CCDC141: variants seen among roughly 807,000 people sequenced by gnomAD.
CCDC141 encodes the protein coiled-coil domain containing 141.
Under a neutral mutation model 181.0 loss-of-function variants are expected in CCDC141, and 168 were observed. That is an observed-to-expected ratio of 0.93 (90% CI 0.82 to 1.05). The LOEUF (loss-of-function observed/expected upper bound fraction) is 1.05, where lower values mean the gene tolerates loss of function less well. Ranked by LOEUF, CCDC141 falls within the 50% of genes least tolerant of loss-of-function variation. CCDC141 has a pLI of 0.00. For synonymous variants in CCDC141, 666 were observed against 642.3 expected (o/e 1.04, Z -0.56); for missense variants, 1,902 against 1,788.5 (o/e 1.06, Z -1.14).
intron 8 of CCDC141, among the ~76,000 whole-genome samples, chr2:178,901,794 T>C (rs1458691643): frequency 1.3e-5 from 2 of 152,070 alleles, no homozygotes; most frequent in East Asian, 3.9e-4. Flanking sequence ...GGGTATTCAA[T>C]TAGGAAAAGA....
At chr2:178,884,239 G>GAAA (rs59431193) in intron 11 of CCDC141, among the ~76,000 whole-genome samples, 21 of 113,612 alleles carry the variant, frequency 1.8e-4, no homozygotes, top group East Asian at 1.1e-3. Flanking sequence ...ATAATGTGAA[G>GAAA]AAAAAAAAAA....
chr2:178,933,327 T>C (rs1356980304), intron 6 of CCDC141, among the ~76,000 whole-genome samples: 1 of 152,174 alleles, frequency 6.6e-6, no homozygotes, highest in East Asian at 1.9e-4. Context: ...GACATGTACA[T>C]ACATGAAACA....
the CCDC141 span, among the ~76,000 whole-genome samples, chr2:178,821,232 A>G: frequency 2.0e-5 from 3 of 152,154 alleles, no homozygotes; most frequent in African/African-American, 7.2e-5. Flanking sequence ...AGTGAACCAT[A>G]TTTGAAGTCC....
Position 178,961,433 on chromosome 2 carries a change from C to A in CCDC141, c.577G>T (p.Asp193Tyr). The stretch of plus-strand genomic sequence containing the variant: ...TCACACTTGAATTTTTCTATGAAGT[C>A]AGTGAGTTGTTGACTTTTGTTTAAA... ...ALLNKSQQLT[D>Y]FIEKFKCEGP... Residue 193 changes from aspartate (D) to tyrosine (Y), a missense_variant, in exon 5 of 24, where the codon GAC (aspartate) becomes TAC (tyrosine). Transcript: ENST00000443758. The A allele has an allele frequency of 6.5e-7, 1 of 1,550,354 alleles. No individual in the cohort carries two copies. The highest frequency in any genetic ancestry group is 1.2e-5 in the South Asian group (1 of 84,024).
chr2:178,888,526 C>A lies in CCDC141; in HGVS notation c.1407+1G>T. On this transcript the variant is annotated splice_donor_variant, in intron 9 of 23. Transcript: ENST00000443758. LOFTEE classifies it high-confidence loss of function. ...ATTTAAGTTTTAGTTTACGAAACTA[C>A]CTTCCGTAGGTAACCCTCCACTGAG... 1 of 1,550,018 alleles carries A rather than the reference C, an allele frequency of 6.5e-7. No homozygotes were observed. The highest frequency in any genetic ancestry group is 1.2e-5 in the South Asian group (1 of 84,036).
chr2:178,898,142 G>A lies in CCDC141; in HGVS notation c.1265+7187C>T, dbSNP rs1687501726. Among the ~76,000 whole-genome samples the A allele has an allele frequency of 1.3e-5, 2 of 152,180 alleles. 1 individual carries two copies. The highest frequency in any genetic ancestry group is 4.1e-4 in the South Asian group (2 of 4,832). The stretch of plus-strand genomic sequence containing the variant: ...GTGTCTTCAAGAGGTAAATAACATG[G>A]TCATTAAGATGGATTAATGTATGTT... On this transcript the variant is annotated intron_variant, in intron 8 of 23. Transcript: ENST00000443758.
At chr2:179,033,605 TTA>T (rs2043058729) in intron 2 of CCDC141, among the ~76,000 whole-genome samples, 1 of 152,214 alleles carries the variant, frequency 6.6e-6, no homozygotes, top group Admixed American at 6.5e-5. Context: ...TGTGTCCACT[TTA>T]TCTCTGTCAT....
intron 2 of CCDC141, among the ~76,000 whole-genome samples, chr2:179,004,544 T>C (rs2042071149): frequency 6.6e-6 from 1 of 152,200 alleles, no homozygotes; most frequent in Non-Finnish European, 1.5e-5. Flanking sequence ...ATTGTCAATT[T>C]GATTCTAATT....
intron 9 of CCDC141, 76 bp downstream of exon 9, chr2:178,888,451 C>G (rs567907112): frequency 1.2e-5 from 17 of 1,377,408 alleles, no homozygotes; most frequent in Non-Finnish European, 1.7e-5. Flanking sequence ...TGTCCTCCCG[C>G]CATGCCCACA....
At position 178,831,054 on chromosome 2, in the gene CCDC141, T is replaced by C. The variant is rs1424709502; in HGVS notation, c.*3119A>G. The C allele has an allele frequency of 1.3e-5, 2 of 152,192 alleles. No individual in the cohort carries two copies. The highest frequency in any genetic ancestry group is 2.9e-5 in the Non-Finnish European group (2 of 68,034). The allele number at this position is 152,192 out of a possible 1,614,324, so 9.4% of individuals were successfully genotyped here. ...GTTAGAAGGGTCTTGTAGTCATCTA[T>C]TTTAAGTATGTGTCTTGATTATGAG... On this transcript the variant is annotated 3_prime_UTR_variant, in exon 24 of 24. Coordinates refer to ENST00000443758, the MANE Select transcript of CCDC141 (RefSeq NM_173648.4).
chr2:178,995,380 C>G (rs960441467), intron 2 of CCDC141, among the ~76,000 whole-genome samples: 1 of 152,132 alleles, frequency 6.6e-6, no homozygotes, highest in Non-Finnish European at 1.5e-5. Context: ...GACTTATTCA[C>G]TATCATGAGA....
chr2:178,975,205 A>G (rs1185058276), intron 3 of CCDC141, 40 bp from the exon 4 acceptor site: 2 of 1,112,974 alleles, frequency 1.8e-6, no homozygotes, highest in Admixed American at 5.1e-5. Flanking sequence ...TGACATTTGT[A>G]TAAAAATTAA....
At position 178,878,157 on chromosome 2, in the gene CCDC141, AAG is replaced by A. The variant is rs748769221; in HGVS notation, c.1720-16_1720-15del. 5.7e-6 allele frequency: 9 copies of A among 1,567,652 alleles called. No homozygotes were observed. The highest frequency in any genetic ancestry group is 7.8e-6 in the Non-Finnish European group (9 of 1,160,136). ...CTGCATCTCTACCTAAAAAAGAAAA[AAG>A]AGAGTTAAGAACACTTAAACACATT... is the stretch of plus-strand genomic sequence containing the variant. On this transcript the variant is annotated splice_polypyrimidine_tract_variant and intron_variant, in intron 11 of 23. Transcript: ENST00000443758.
intron 17 of CCDC141, among the ~76,000 whole-genome samples, chr2:178,858,510 T>C (rs1382459895): frequency 6.6e-6 from 1 of 152,122 alleles, no homozygotes; most frequent in African/African-American, 2.4e-5. Flanking sequence ...ATTTAATGAG[T>C]GCAGAGTTTC....
rs181938785 is a variant in CCDC141 at position 178,896,201 on chromosome 2, C to T, written c.1266-7533G>A. Among the ~76,000 whole-genome samples the T allele has an allele frequency of 8.2e-4, 125 of 152,344 alleles. No homozygotes were observed. In the Middle Eastern group the frequency reaches 0.01, roughly 12 times the overall value. On this transcript the variant is annotated intron_variant, in intron 8 of 23. Transcript: ENST00000443758. Reference sequence around the variant, plus strand: ...TCGAAGATGTAGACCCTTCACCCATCTCAGCCTACCAAATACAGCAACTGT... The same window carrying T: ...TCGAAGATGTAGACCCTTCACCCATTTCAGCCTACCAAATACAGCAACTGT...
intron 7 of CCDC141, among the ~76,000 whole-genome samples, chr2:178,910,828 C>T (rs928873435): frequency 2.6e-5 from 4 of 152,288 alleles, no homozygotes; most frequent in African/African-American, 9.6e-5. Context: ...TATTAAATGC[C>T]ATTAGCACCT....
intron 7 of CCDC141, among the ~76,000 whole-genome samples, chr2:178,906,279 G>A (rs910467650): frequency 4.6e-5 from 7 of 152,204 alleles, no homozygotes; most frequent in African/African-American, 1.7e-4. Context: ...ACATAAAATA[G>A]AGAGGAGTTA....
chr2:178,857,874 G>A (rs181562278), intron 17 of CCDC141, among the ~76,000 whole-genome samples: 1 of 152,242 alleles, frequency 6.6e-6, no homozygotes, highest in East Asian at 1.9e-4. Context: ...AAATATACTT[G>A]CCCTACAAAA....
intron 2 of CCDC141, among the ~76,000 whole-genome samples, chr2:179,042,684 A>T (rs2043346423): frequency 6.6e-6 from 1 of 152,210 alleles, no homozygotes; most frequent in African/African-American, 2.4e-5. Context: ...ACCAAGACAC[A>T]ATGGACCGGA....
Sources: allele counts gnomAD v4.1 joint callset (sites outside exome capture counted in the v4.1 genomes callset), GRCh38; gene constraint gnomAD v4.1.1; transcripts MANE v1.5; gene names NCBI Gene and HGNC (gene_info 2026-07-23, HGNC 2026-07-21).